FYB1: variants seen among roughly 807,000 people sequenced by gnomAD.
FYB1 encodes the protein FYN binding protein 1.
Under a neutral mutation model 94.1 loss-of-function variants are expected in FYB1, and 41 were observed. The ratio of observed to expected loss-of-function variants is 0.44; its 90% CI spans 0.34 to 0.57. The LOEUF is 0.57. Ranked by LOEUF, FYB1 falls within the 20% of genes least tolerant of loss-of-function variation. The probability of loss-of-function intolerance (pLI) is 0.02; values close to 1 mark genes in which losing one functional copy is unlikely to be tolerated. For synonymous variants in FYB1, 367 were observed against 353.2 expected (o/e 1.04, Z -0.44); for missense variants, 1,050 against 976.8 (o/e 1.07, Z -1.00).
chr5:39,258,847 C>T (rs1290230312), intron 1 of FYB1, among the ~76,000 whole-genome samples: 1 of 152,124 alleles, frequency 6.6e-6, no homozygotes, highest in African/African-American at 2.4e-5. Context: ...AACAGAGGCA[C>T]AAGGCAATGA....
intron 2 of FYB1, among the ~76,000 whole-genome samples, chr5:39,176,060 A>T (rs1745689739): frequency 6.6e-6 from 1 of 150,458 alleles, no homozygotes; most frequent in African/African-American, 2.4e-5. Flanking sequence ...TTCTACGGGA[A>T]CTCATTCTAG....
chr5:39,107,808 T>C (rs1316557652), intron 18 of FYB1, among the ~76,000 whole-genome samples: 1 of 152,034 alleles, frequency 6.6e-6, no homozygotes, highest in Non-Finnish European at 1.5e-5. Context: ...AAGGAAATCA[T>C]GATCAACACT....
rs1760375066 is a variant in FYB1 at position 39,106,357 on chromosome 5, A to G, written c.*1086T>C. 1 of 152,078 alleles carries G rather than the reference A, an allele frequency of 6.6e-6. No homozygotes were observed. The highest frequency in any genetic ancestry group is 1.5e-5 in the Non-Finnish European group (1 of 67,978). 9.4% of individuals were successfully genotyped at this position (152,078 alleles called of 1,614,324 possible). ...CTTTTCTTGGGTGTTAGCATTTTTC[A>G]TTTTTTAAATCATGCTATTTAGTGT... On this transcript the variant is annotated 3_prime_UTR_variant, in exon 19 of 19. Transcript: ENST00000512982.
chr5:39,205,960 T>C (rs1462755181), intron 1 of FYB1, among the ~76,000 whole-genome samples: 2 of 152,240 alleles, frequency 1.3e-5, no homozygotes, highest in African/African-American at 4.8e-5. Context: ...AATATATATG[T>C]AATAATTATC....
intron 18 of FYB1, 91 bp from the exon 19 acceptor site, chr5:39,107,556 C>A: frequency 1.3e-6 from 1 of 774,474 alleles, no homozygotes; most frequent in South Asian, 2.4e-5. Flanking sequence ...TTCATACTCT[C>A]CTGGTTAAGG....
chr5:39,220,623 A>T (rs1437667430), upstream of FYB1, among the ~76,000 whole-genome samples: 1 of 152,184 alleles, frequency 6.6e-6, no homozygotes, highest in East Asian at 1.9e-4. Flanking sequence ...CTACTCATTC[A>T]TTCATAAACA....
chr5:39,268,334 C>T lies in FYB1; in HGVS notation c.-28+6069G>A, dbSNP rs140157025. On this transcript the variant is annotated intron_variant, in intron 1 of 1. Coordinates refer to the FYB1 transcript ENST00000510188. ...CCTTGAACTCCTGAGCTCAAATAAT[C>T]CTCCTGCATCAGCCTCCCTAGTAGG... Among the ~76,000 whole-genome samples, 665 of 150,848 alleles carry T rather than the reference C, an allele frequency of 4.4e-3. 10 individuals carry two copies. Among genetic ancestry groups the T allele is most frequent in the African/African-American group, 0.016 (637 of 41,076 alleles).
chr5:39,221,843 C>A (rs1750276566), upstream of FYB1, among the ~76,000 whole-genome samples: 1 of 151,826 alleles, frequency 6.6e-6, no homozygotes, highest in African/African-American at 2.4e-5. Context: ...CTAAAAAATC[C>A]AAAAATTAGC....
chr5:39,261,455 G>T (rs963056600), intron 1 of FYB1, among the ~76,000 whole-genome samples: 1 of 151,666 alleles, frequency 6.6e-6, no homozygotes, highest in African/African-American at 2.4e-5. Flanking sequence ...GCATAATTAA[G>T]AAACAATGAG....
At chr5:39,224,564 C>T (rs1750393817), upstream of FYB1, among the ~76,000 whole-genome samples, 1 of 152,162 alleles carries the variant, frequency 6.6e-6, no homozygotes, top group Admixed American at 6.5e-5. Context: ...GTGTGTATTC[C>T]TCTAGAGAGC....
In FYB1 at chr5:39,212,308, A is replaced by AAAAAAAT. The variant is rs938925228; in HGVS notation, c.-28+7128_-28+7134dup. 9.9e-5 allele frequency among the ~76,000 whole-genome samples: 15 copies of AAAAAAAT among 152,054 alleles called. No individual in the cohort carries two copies. The East Asian group carries it at 1.5e-3, about 16-fold the overall frequency. Reference sequence around the variant, plus strand: ...GGGTGACAGAGCAAGACCTTGTCTCAAAAAAATAAAAAATAAAAAATAAAA... The same window carrying AAAAAAAT: ...GGGTGACAGAGCAAGACCTTGTCTCAAAAAAATAAAAAATAAAAAATAAAAAATAAAA... On this transcript the variant is annotated intron_variant, in intron 1 of 18. Transcript: ENST00000512982.
chr5:39,161,709 C>T (rs10941420), intron 2 of FYB1, among the ~76,000 whole-genome samples: 90,970 of 151,794 alleles, frequency 0.6, 29,666 homozygotes, highest in Non-Finnish European at 0.72. Flanking sequence ...GTATAAGTCA[C>T]ATAAATAAAC....
rs1741470192 is a variant in FYB1 at position 39,134,354 on chromosome 5, CA to C, written c.1676-6del. On this transcript the variant is annotated splice_polypyrimidine_tract_variant and splice_region_variant and intron_variant, in intron 8 of 18. Coordinates refer to ENST00000512982, the MANE Select transcript of FYB1 (RefSeq NM_001465.6). Reference sequence around the variant, plus strand: ...CAGTTGTTTTAATATAGCCATCTACCAAAAAGGGAAATATTTATGTTCAGGC... The same window carrying C: ...CAGTTGTTTTAATATAGCCATCTACCAAAAGGGAAATATTTATGTTCAGGC... 2.5e-6 allele frequency: 4 copies of C among 1,584,090 alleles called. No homozygotes were observed. Among genetic ancestry groups the C allele is most frequent in the South Asian group, 1.1e-5 (1 of 88,114 alleles).
intron 2 of FYB1, among the ~76,000 whole-genome samples, chr5:39,201,087 A>G (rs1748276101): frequency 6.6e-6 from 1 of 152,236 alleles, no homozygotes; most frequent in Non-Finnish European, 1.5e-5. Context: ...ATAAAAGTTC[A>G]GAAAACTTTA....
rs544149096 is a variant in FYB1, at chr5:39,269,822, G to C, written c.-28+4581C>G. On this transcript the variant is annotated intron_variant, in intron 1 of 1. Transcript: ENST00000510188. ...ACCAGTTTCCAGTCTTCTGGGGGCT[G>C]GGGAATAGCAGACAAAGACAGAAAA... 2.6e-5 allele frequency: 4 copies of C among 152,318 alleles called. No homozygotes were observed. The South Asian group carries it at 8.3e-4, about 32-fold the overall frequency. The allele number at this position is 152,318 out of a possible 1,614,324, so 9.4% of individuals were successfully genotyped here.
chr5:39,170,742 T>C (rs1045676583), intron 2 of FYB1, among the ~76,000 whole-genome samples: 3 of 152,150 alleles, frequency 2.0e-5, no homozygotes, highest in African/African-American at 7.2e-5. Flanking sequence ...TTCAATGTCT[T>C]CCTATCATAA....
intron 1 of FYB1, among the ~76,000 whole-genome samples, chr5:39,260,959 G>A (rs977627443): frequency 3.9e-5 from 6 of 152,094 alleles, no homozygotes; most frequent in African/African-American, 1.4e-4. Context: ...ACCAGAAATA[G>A]GGTTGAAGGA....
rs769593430 is a variant in FYB1, at chr5:39,202,325, G to A, written c.636C>T (p.Asp212=). The stretch of plus-strand genomic sequence containing the variant: ...AAGACACATTCTTCATGGGGCTTTC[G>A]TCTTCATGGGAGTTCTCGGTACTTA... ...PPLSTENSHE[D]ESPMKNVSSS... is the part of the protein sequence containing the mutation. Residue 212 remains aspartate, a synonymous_variant, in exon 2 of 19, where the codon GAC becomes GAT. Transcript: ENST00000512982. 6.4e-5 allele frequency: 104 copies of A among 1,613,846 alleles called. No homozygotes were observed. In the Middle Eastern group the frequency reaches 1.2e-3, roughly 18 times the overall value.
intron 2 of FYB1, among the ~76,000 whole-genome samples, chr5:39,197,514 A>G (rs1214232142): frequency 6.6e-6 from 1 of 152,244 alleles, no homozygotes; most frequent in East Asian, 1.9e-4. Context: ...GAAGTTGCCA[A>G]TCTAAGCAGC....
Sources: allele counts gnomAD v4.1 joint callset (sites outside exome capture counted in the v4.1 genomes callset), GRCh38; gene constraint gnomAD v4.1.1; transcripts MANE v1.5; gene names NCBI Gene and HGNC (gene_info 2026-07-23, HGNC 2026-07-21).